PKHD1L1: variants seen among roughly 807,000 people sequenced by gnomAD.
The protein encoded by PKHD1L1 is fibrocystin-L.
In PKHD1L1, 434 loss-of-function variants were observed where a neutral mutation model predicts 462.9. The ratio of observed to expected loss-of-function variants is 0.94; its 90% CI spans 0.87 to 1.02. PKHD1L1 has a LOEUF of 1.02. Ranked by LOEUF, PKHD1L1 falls within the 50% of genes least tolerant of loss-of-function variation. PKHD1L1 has a pLI of 0.00. For missense variants in PKHD1L1, 5,202 were observed against 5,096.1 expected (o/e 1.02, Z -0.63); for synonymous variants, 1,781 against 1,750.0 (o/e 1.02, Z -0.44).
chr8:109,439,892 G>A (rs1815676085), intron 32 of PKHD1L1, among the ~76,000 whole-genome samples: 1 of 152,092 alleles, frequency 6.6e-6, no homozygotes, highest in Non-Finnish European at 1.5e-5. Flanking sequence ...ATGAAGATGA[G>A]CAACATTAAA....
rs758699352 is a variant in PKHD1L1 at position 109,452,808 on chromosome 8, A to G, written c.6598A>G (p.Ile2200Val). ...CCCAGAAGAAGGATCTCTTGTTGTT[A>G]TTACAAAAGGACAGACCATTCTGCT... ...SPPEEGSLVV[I>V]TKGQTILLDQ... is the part of the protein sequence containing the mutation. The change falls in exon 43 of 78, where the codon ATT (isoleucine) becomes GTT (valine). Residue 2200 changes from isoleucine to valine, a missense_variant. By Grantham distance (29) the Ile-to-Val change is conservative. Transcript: ENST00000378402. 14 of 1,536,930 alleles carry G rather than the reference A, an allele frequency of 9.1e-6. No individual in the cohort carries two copies. The highest frequency in any genetic ancestry group is 1.2e-5 in the Non-Finnish European group (14 of 1,143,944).
intron 50 of PKHD1L1, among the ~76,000 whole-genome samples, chr8:109,467,752 C>T (rs912090018): frequency 2.0e-5 from 3 of 152,088 alleles, no homozygotes; most frequent in Admixed American, 2.0e-4. Flanking sequence ...ATGGAAAAAG[C>T]ATTGATGAAT....
At chr8:109,388,991 G>T in intron 7 of PKHD1L1, 88 bp from the exon 8 acceptor site, 4 of 884,828 alleles carry the variant, frequency 4.5e-6, no homozygotes, top group Non-Finnish European at 6.9e-6. Context: ...TTCATATTCT[G>T]AAATTAATGA....
rs772296883 is a variant in PKHD1L1, at chr8:109,534,167, C to A, written c.*4077C>A. ...TATACCCTCCCGAATGGAAATGCTTCAACTTTAATCTGAGGCTAGGCGCAG... is the reference window on the plus strand; with the variant it reads ...TATACCCTCCCGAATGGAAATGCTTAAACTTTAATCTGAGGCTAGGCGCAG... On this transcript the variant is annotated 3_prime_UTR_variant, in exon 78 of 78. Coordinates refer to ENST00000378402, the MANE Select transcript of PKHD1L1 (RefSeq NM_177531.6). 2.6e-5 allele frequency among the ~76,000 whole-genome samples: 4 copies of A among 152,192 alleles called. No homozygotes were observed. The highest frequency in any genetic ancestry group is 5.9e-5 in the Non-Finnish European group (4 of 68,012).
At chr8:109,362,771 G>T (rs994794686) in intron 1 of PKHD1L1, 118 bp downstream of exon 1, 1 of 1,142,068 alleles carries the variant, frequency 8.8e-7, no homozygotes, top group Non-Finnish European at 1.3e-6. Flanking sequence ...CTGTGGGTGC[G>T]GTTGCATGAC....
In PKHD1L1 at chr8:109,460,711, T is replaced by C. The variant is rs560169571; in HGVS notation, c.7246+875T>C. Among the ~76,000 whole-genome samples the C allele has an allele frequency of 4.6e-5, 7 of 152,322 alleles. No individual in the cohort carries two copies. The East Asian group carries it at 1.3e-3, about 29-fold the overall frequency. ...AGAAACACTGGACTAGGTTATGCTC[T>C]ATTTACAAACAAGCCCAAAATGTCA... is the stretch of plus-strand genomic sequence containing the variant. On this transcript the variant is annotated intron_variant, in intron 47 of 77. Transcript: ENST00000378402.
chr8:109,422,075 A>G (rs1814502313), intron 23 of PKHD1L1, among the ~76,000 whole-genome samples: 1 of 152,228 alleles, frequency 6.6e-6, no homozygotes, highest in African/African-American at 2.4e-5. Context: ...ATTCACATGC[A>G]GTTGTAAGAA....
At position 109,433,092 on chromosome 8, in the gene PKHD1L1, T is replaced by A. The variant is rs1460849077; in HGVS notation, c.3230-14T>A. On this transcript the variant is annotated splice_polypyrimidine_tract_variant and intron_variant, in intron 27 of 77. Coordinates refer to ENST00000378402, the MANE Select transcript of PKHD1L1 (RefSeq NM_177531.6). ...TCTAACTTTAATATTGTTATTTAAA[T>A]TGATCATTTTTAGGGTCCTATGAAG... The A allele has an allele frequency of 6.5e-7, 1 of 1,529,642 alleles. No homozygotes were observed. The highest frequency in any genetic ancestry group is 9.0e-7 in the Non-Finnish European group (1 of 1,117,248). The allele number at this position is 1,529,642 out of a possible 1,614,324, so 94.8% of individuals were successfully genotyped here. A position where few individuals can be genotyped will look rare whatever the true frequency, so the allele number is the denominator to read the frequency against.
Position 109,413,537 on chromosome 8 carries a change from T to G in PKHD1L1, c.2352T>G (p.Tyr784Ter). The G allele has an allele frequency of 6.5e-7, 1 of 1,527,510 alleles. No homozygotes were observed. Among genetic ancestry groups the G allele is most frequent in the Non-Finnish European group, 8.8e-7 (1 of 1,136,450 alleles). The allele number at this position is 1,527,510 out of a possible 1,614,324, so 94.6% of individuals were successfully genotyped here. A position where few individuals can be genotyped will look rare whatever the true frequency, so the allele number is the denominator to read the frequency against. The change falls in exon 21 of 78, where the codon TAT becomes TAG. Residue 784 changes from tyrosine to a stop codon, truncating the protein, a stop_gained. Coordinates refer to ENST00000378402, the MANE Select transcript of PKHD1L1 (RefSeq NM_177531.6). LOFTEE classifies it high-confidence loss of function. ...CACAGTTTACATACAACTTTGCTTA[T>G]GGAAACAAGTAAGTTACGCTATGAA... The part of the protein sequence containing the change: ...TDTQFTYNFA[Y>*]GNNWTYTCID...
chr8:109,480,049 G>C lies in PKHD1L1; in HGVS notation c.9237G>C (p.Gly3079=), dbSNP rs1285072131. ...MPSMERLIIW[G]VLELEDKYNV... ...CAATGGAAAGACTCATTATTTGGGG[G>C]GTTCTAGAACTGGAAGATAAATACA... Residue 3079 remains glycine, a synonymous_variant, in exon 55 of 78, where the codon GGG becomes GGC. Transcript: ENST00000378402. 2 of 1,593,306 alleles carry C rather than the reference G, an allele frequency of 1.3e-6. No homozygotes were observed. Among genetic ancestry groups the C allele is most frequent in the African/African-American group, 2.7e-5 (2 of 74,016 alleles).
chr8:109,458,538 T>C (rs1816943374), intron 46 of PKHD1L1, among the ~76,000 whole-genome samples: 1 of 152,128 alleles, frequency 6.6e-6, no homozygotes, highest in Non-Finnish European at 1.5e-5. Flanking sequence ...AGATATCTCA[T>C]AGGACTGCAG....
chr8:109,372,506 T>C (rs1308162537), intron 2 of PKHD1L1, among the ~76,000 whole-genome samples: 4 of 152,202 alleles, frequency 2.6e-5, no homozygotes. Flanking sequence ...TTCCTTCTCC[T>C]GCCTGGTTGC....
intron 59 of PKHD1L1, 55 bp from the exon 60 acceptor site, chr8:109,489,897 T>C (rs1398982328): frequency 5.6e-6 from 6 of 1,073,204 alleles, no homozygotes; most frequent in Non-Finnish European, 8.4e-6. Flanking sequence ...TTTTCAAAAA[T>C]GTTTTATTCC....
At chr8:109,383,917 C>T (rs1181890693) in intron 4 of PKHD1L1, among the ~76,000 whole-genome samples, 153 bp from the exon 5 acceptor site, 1 of 152,158 alleles carries the variant, frequency 6.6e-6, no homozygotes, top group Non-Finnish European at 1.5e-5. Context: ...TCTAATTTAA[C>T]TCTTAGGTTC....
rs545278960 is a variant in PKHD1L1 at position 109,479,587 on chromosome 8, A to G, written c.9126A>G (p.Arg3042=). 2.0e-6 allele frequency: 3 copies of G among 1,537,616 alleles called. No homozygotes were observed. The South Asian group carries it at 3.5e-5, about 18-fold the overall frequency. Reference sequence around the variant, plus strand: ...ATGATTCTTTTTGGCAATCATCACGAGAAAATAATTATACTGTACCTCACC... The same window carrying G: ...ATGATTCTTTTTGGCAATCATCACGGGAAAATAATTATACTGTACCTCACC... ...WSNDSFWQSS[R]ENNYTVPHPG... The change falls in exon 54 of 78, where the codon CGA becomes CGG. Residue 3042 remains arginine (R), a synonymous_variant. Coordinates refer to ENST00000378402, the MANE Select transcript of PKHD1L1 (RefSeq NM_177531.6).
At chr8:109,451,857 A>G (rs1816536584) in intron 41 of PKHD1L1, among the ~76,000 whole-genome samples, 1 of 152,206 alleles carries the variant, frequency 6.6e-6, no homozygotes, top group Non-Finnish European at 1.5e-5. Flanking sequence ...GAATCACTGA[A>G]CAACAACAAT....
At position 109,412,381 on chromosome 8, in the gene PKHD1L1, A is replaced by G. The variant is rs1468043396; in HGVS notation, c.2202A>G (p.Pro734=). Residue 734 remains proline, a synonymous_variant, in exon 20 of 78, where the codon CCA becomes CCG. Coordinates refer to ENST00000378402, the MANE Select transcript of PKHD1L1 (RefSeq NM_177531.6). ...CAGATGTTAAACCAAACAGACGACC[A>G]TATGGAGATATTTTATTGTTTCCTT... ...DSADVKPNRR[P]YGDILLFPYN... is the part of the protein sequence containing the mutation. The G allele has an allele frequency of 2.5e-6, 4 of 1,613,154 alleles. No homozygotes were observed. The highest frequency in any genetic ancestry group is 1.1e-5 in the South Asian group (1 of 90,994).
chr8:109,376,333 G>A (rs796351812), intron 2 of PKHD1L1, among the ~76,000 whole-genome samples: 3 of 152,322 alleles, frequency 2.0e-5, no homozygotes, highest in African/African-American at 7.2e-5. Flanking sequence ...TGTGCCATTT[G>A]TTAAGCCCGT....
In PKHD1L1 at chr8:109,412,425, CA is replaced by C; in HGVS notation, c.2235+15del. On this transcript the variant is annotated intron_variant, in intron 20 of 77. Coordinates refer to ENST00000378402, the MANE Select transcript of PKHD1L1 (RefSeq NM_177531.6). ...TTTCCTTATAATCAGGTAAGCTCAACAAAATGATATGCTAATTGAATCTGGA... is the reference window on the plus strand; with the variant it reads ...TTTCCTTATAATCAGGTAAGCTCAACAAATGATATGCTAATTGAATCTGGA... 6.3e-7 allele frequency: 1 copy of C among 1,588,754 alleles called. No homozygotes were observed. Among genetic ancestry groups the C allele is most frequent in the Admixed American group, 1.8e-5 (1 of 56,396 alleles).
Sources: gnomAD v4.1 joint callset for allele counts (sites outside exome capture counted in the v4.1 genomes callset) on GRCh38, gnomAD v4.1.1 for gene constraint, MANE v1.5 for transcripts, NCBI Gene and HGNC (gene_info 2026-07-23, HGNC 2026-07-21) for gene names.